SEMA3C: variants seen among roughly 807,000 people sequenced by gnomAD.
SEMA3C encodes the protein semaphorin 3C.
A neutral mutation model predicts 89.4 loss-of-function variants in SEMA3C; 47 were observed. The observed-to-expected ratio is 0.53, with a 90% confidence interval of 0.42 to 0.67. The LOEUF (loss-of-function observed/expected upper bound fraction) is 0.67. Ranked by LOEUF, SEMA3C falls within the 30% of genes least tolerant of loss-of-function variation. The probability of loss-of-function intolerance (pLI) is 0.00; values close to 1 mark genes in which losing one functional copy is unlikely to be tolerated. For synonymous variants in SEMA3C, 310 were observed against 320.2 expected (o/e 0.97, Z 0.34); for missense variants, 839 against 929.1 (o/e 0.90, Z 1.26).
chr7:80,861,733 T>C (rs976008477), intron 2 of SEMA3C, among the ~76,000 whole-genome samples: 16 of 152,316 alleles, frequency 1.1e-4, no homozygotes, highest in Non-Finnish European at 1.9e-4. Context: ...AAGAATACAG[T>C]GTTGAATTAA....
intron 2 of SEMA3C, among the ~76,000 whole-genome samples, chr7:80,853,307 A>T (rs1790560763): frequency 6.6e-6 from 1 of 152,204 alleles, no homozygotes; most frequent in Admixed American, 6.5e-5. Context: ...TTAAAGAGTC[A>T]TCTGCACTCC....
rs536128051 is a variant in SEMA3C, at chr7:80,788,408, C to T, written c.1354+898G>A. Among the ~76,000 whole-genome samples, 378 of 152,240 alleles carry T rather than the reference C, an allele frequency of 2.5e-3. 5 individuals carry two copies. The highest frequency in any genetic ancestry group is 8.3e-3 in the African/African-American group (343 of 41,544). On this transcript the variant is annotated intron_variant, in intron 12 of 17. Transcript: ENST00000265361. The stretch of plus-strand genomic sequence containing the variant: ...GGTGTGAAAGACGTGAGTAGTGGTT[C>T]CTAACTTTAGCGTGCATCAGAATTA...
intron 6 of SEMA3C, among the ~76,000 whole-genome samples, chr7:80,808,187 C>T (rs928102898): frequency 7.9e-5 from 12 of 152,186 alleles, no homozygotes; most frequent in Middle Eastern, 6.8e-3. Context: ...ATTTATAATG[C>T]CTTGTTCTAA....
At chr7:80,899,536 A>C (rs765472107) in intron 2 of SEMA3C, among the ~76,000 whole-genome samples, 2 of 152,170 alleles carry the variant, frequency 1.3e-5, no homozygotes, top group African/African-American at 2.4e-5. Flanking sequence ...GCCTTGATCA[A>C]TACCACCCTG....
chr7:80,863,700 T>C (rs1790833248), intron 2 of SEMA3C, among the ~76,000 whole-genome samples: 1 of 149,274 alleles, frequency 6.7e-6, no homozygotes, highest in African/African-American at 2.5e-5. Flanking sequence ...CACACATATA[T>C]ATGTGATATA....
chr7:80,809,669 A>G (rs1048309840), intron 6 of SEMA3C, among the ~76,000 whole-genome samples: 2 of 152,176 alleles, frequency 1.3e-5, no homozygotes, highest in African/African-American at 4.8e-5. Context: ...TCATTTCAGC[A>G]TTATTCACAA....
chr7:80,795,706 C>G (rs1468475288), intron 11 of SEMA3C, among the ~76,000 whole-genome samples: 1 of 152,162 alleles, frequency 6.6e-6, no homozygotes, highest in Non-Finnish European at 1.5e-5. Flanking sequence ...CACAGTGATG[C>G]TCTGAGTTCT....
intron 2 of SEMA3C, among the ~76,000 whole-genome samples, chr7:80,867,802 T>G (rs997458539): frequency 6.6e-6 from 1 of 151,958 alleles, no homozygotes; most frequent in Non-Finnish European, 1.5e-5. Flanking sequence ...ACAGACAAAA[T>G]ATGTAATGCA....
At position 80,879,771 on chromosome 7, in the gene SEMA3C, A is replaced by T. The variant is rs139778924; in HGVS notation, c.103+36908T>A. Among the ~76,000 whole-genome samples, 613 of 152,316 alleles carry T rather than the reference A, an allele frequency of 4.0e-3. 4 individuals are homozygous for T. The highest frequency in any genetic ancestry group is 0.022 in the East Asian group (116 of 5,176). ...ACTAAAGTTTTAGTGTAAAACACCAACATAGAATAAGCATAACAGGAGGCA... is the reference window on the plus strand; with the variant it reads ...ACTAAAGTTTTAGTGTAAAACACCATCATAGAATAAGCATAACAGGAGGCA... On this transcript the variant is annotated intron_variant, in intron 2 of 17. Coordinates refer to ENST00000265361, the MANE Select transcript of SEMA3C (RefSeq NM_006379.5).
At chr7:80,858,045 T>C (rs942096821) in intron 2 of SEMA3C, among the ~76,000 whole-genome samples, 1 of 152,176 alleles carries the variant, frequency 6.6e-6, no homozygotes, top group African/African-American at 2.4e-5. Flanking sequence ...TATGTTATGA[T>C]ATGGCTTAAA....
intron 1 of SEMA3C, 25 bp from the exon 2 acceptor site, chr7:80,916,844 G>C (rs752976739): frequency 6.3e-7 from 1 of 1,593,826 alleles, no homozygotes; most frequent in Non-Finnish European, 8.6e-7. Context: ...CAACATGTTT[G>C]TTATATCTCA....
chr7:80,906,773 A>G (rs915072657), intron 2 of SEMA3C, among the ~76,000 whole-genome samples: 1 of 152,128 alleles, frequency 6.6e-6, no homozygotes, highest in East Asian at 1.9e-4. Flanking sequence ...AAAACATTAT[A>G]AAAGGAATAC....
intron 6 of SEMA3C, among the ~76,000 whole-genome samples, chr7:80,807,004 C>A (rs1789356473): frequency 6.6e-6 from 1 of 152,072 alleles, no homozygotes; most frequent in South Asian, 2.1e-4. Context: ...CTCAGCTCTG[C>A]TTCCTAGTAG....
At chr7:80,875,727 G>A (rs1428125909) in intron 2 of SEMA3C, among the ~76,000 whole-genome samples, 1 of 151,702 alleles carries the variant, frequency 6.6e-6, no homozygotes, top group African/African-American at 2.4e-5. Context: ...GTATCTCAGT[G>A]TTTGTGATCT....
intron 4 of SEMA3C, among the ~76,000 whole-genome samples, chr7:80,826,443 T>G (rs1388762972): frequency 2.0e-5 from 3 of 152,178 alleles, no homozygotes. Flanking sequence ...ATTTCTAAAT[T>G]AGTTTGTATA....
intron 2 of SEMA3C, among the ~76,000 whole-genome samples, chr7:80,855,699 A>G (rs1790621407): frequency 6.6e-6 from 1 of 152,178 alleles, no homozygotes; most frequent in African/African-American, 2.4e-5. Context: ...CTGAATCTCA[A>G]GGCTGGATGA....
At chr7:80,852,325 A>G (rs1338700381) in intron 2 of SEMA3C, among the ~76,000 whole-genome samples, 1 of 152,180 alleles carries the variant, frequency 6.6e-6, no homozygotes, top group Non-Finnish European at 1.5e-5. Flanking sequence ...TCCCCTTGAT[A>G]CAGTAGCCGG....
At chr7:80,766,287 AG>A (rs1788301061) in intron 12 of SEMA3C, among the ~76,000 whole-genome samples, 1 of 152,210 alleles carries the variant, frequency 6.6e-6, no homozygotes. Context: ...GGCGACCAAC[AG>A]GTGATGGTCA....
intron 15 of SEMA3C, among the ~76,000 whole-genome samples, chr7:80,755,294 C>T (rs75338196): frequency 0.03 from 4,519 of 150,322 alleles, 83 homozygotes; most frequent in Non-Finnish European, 0.047. Context: ...AGAAAGGATA[C>T]CTGGGGTTGT....
Sources: allele counts gnomAD v4.1 joint callset (sites outside exome capture counted in the v4.1 genomes callset), GRCh38; gene constraint gnomAD v4.1.1; transcripts MANE v1.5; gene names NCBI Gene and HGNC (gene_info 2026-07-23, HGNC 2026-07-21).